The following DCDC1 variants were observed in gnomAD, a reference collection of about 807,000 sequenced individuals.
DCDC1 encodes doublecortin domain containing 1, also known as doublecortin domain-containing protein 1.
A neutral mutation model predicts 178.3 loss-of-function variants in DCDC1; 200 were observed. The ratio of observed to expected loss-of-function variants is 1.12; its 90% CI spans 1.00 to 1.26. The LOEUF is 1.26. Ranked by LOEUF, DCDC1 falls within the 50% of genes most tolerant of loss-of-function variation. The pLI, the probability that DCDC1 is intolerant of heterozygous loss-of-function variation, is 0.00. For missense variants in DCDC1, 1,983 were observed against 1,749.2 expected, an observed-to-expected ratio of 1.13 and a Z score of -2.38; for synonymous variants, 690 against 604.8, an observed-to-expected ratio of 1.14 and a Z score of -2.07.
intron 38 of DCDC1, among the ~76,000 whole-genome samples, chr11:30,873,692 C>G (rs1941852331): frequency 6.6e-6 from 1 of 152,184 alleles, no homozygotes; most frequent in Non-Finnish European, 1.5e-5. Context: ...AGCTCCTTCA[C>G]AGGAGAAAGA....
chr11:30,927,226 A>G (rs905151681), intron 22 of DCDC1, among the ~76,000 whole-genome samples: 8 of 152,078 alleles, frequency 5.3e-5, no homozygotes, highest in Non-Finnish European at 1.0e-4. Flanking sequence ...ACCAGGAAAT[A>G]TATCATCATG....
chr11:31,192,423 G>A (rs765548236), intron 9 of DCDC1, among the ~76,000 whole-genome samples: 2 of 152,038 alleles, frequency 1.3e-5, no homozygotes, highest in South Asian at 2.1e-4. Context: ...ATTCAACTAT[G>A]TCAAGTCAGT....
intron 3 of DCDC1, among the ~76,000 whole-genome samples, chr11:31,312,288 ATATATT>A (rs1452320315): frequency 1.4e-4 from 21 of 152,306 alleles, no homozygotes; most frequent in African/African-American, 5.1e-4. Context: ...AGCATTTTAT[ATATATT>A]TATAATTTAA....
chr11:30,952,968 T>C (rs1226801841), intron 20 of DCDC1, among the ~76,000 whole-genome samples: 4 of 151,958 alleles, frequency 2.6e-5, no homozygotes, highest in Non-Finnish European at 2.9e-5. Flanking sequence ...GACCAACAGA[T>C]TGCAAAGTAC....
chr11:31,043,458 G>C (rs555623599), intron 20 of DCDC1, among the ~76,000 whole-genome samples: 22 of 152,142 alleles, frequency 1.4e-4, no homozygotes, highest in Middle Eastern at 3.4e-3. Context: ...AAAAATGTTG[G>C]AAAAGCCATT....
rs552172605 is a variant in DCDC1, at chr11:31,109,832, A to G, written c.1587+428T>C. On this transcript the variant is annotated intron_variant, in intron 12 of 38. Coordinates refer to ENST00000684477, the MANE Select transcript of DCDC1 (RefSeq NM_001387274.1). ...ACAGAAAAAGGTAAGAGTGCCTAAG[A>G]TGTAAGCAAAACTAGCTGAACTTGC... Among the ~76,000 whole-genome samples, 23 of 152,302 alleles carry G rather than the reference A, an allele frequency of 1.5e-4. No homozygotes were observed. The South Asian group carries it at 4.8e-3, about 32-fold the overall frequency.
At chr11:31,070,977 C>T (rs1329312002) in intron 18 of DCDC1, among the ~76,000 whole-genome samples, 1 of 152,138 alleles carries the variant, frequency 6.6e-6, no homozygotes, top group Non-Finnish European at 1.5e-5. Context: ...TGAAGAGGGT[C>T]TCTTTTTTCT....
chr11:30,941,095 A>C (rs1947612286), intron 21 of DCDC1, among the ~76,000 whole-genome samples: 1 of 152,170 alleles, frequency 6.6e-6, no homozygotes, highest in African/African-American at 2.4e-5. Flanking sequence ...TTGCATTATT[A>C]GACTATATCA....
At chr11:30,937,955 T>C (rs183879290) in intron 21 of DCDC1, among the ~76,000 whole-genome samples, 273 of 152,062 alleles carry the variant, frequency 1.8e-3, no homozygotes, top group Middle Eastern at 0.014. Flanking sequence ...GATCCTAAAC[T>C]CTCCTCCACA....
chr11:30,963,253 T>G (rs1357728350), intron 20 of DCDC1, among the ~76,000 whole-genome samples: 3 of 152,064 alleles, frequency 2.0e-5, no homozygotes, highest in African/African-American at 7.2e-5. Context: ...CCCAAACATA[T>G]GATTCTTCGA....
chr11:31,057,505 T>C (rs1955662138), intron 20 of DCDC1, among the ~76,000 whole-genome samples: 1 of 151,946 alleles, frequency 6.6e-6, no homozygotes, highest in Non-Finnish European at 1.5e-5. Context: ...ATAATGAAAA[T>C]ATAAAATAGT....
At chr11:31,163,609 T>G (rs1966511237) in intron 9 of DCDC1, among the ~76,000 whole-genome samples, 1 of 152,114 alleles carries the variant, frequency 6.6e-6, no homozygotes, top group Non-Finnish European at 1.5e-5. Flanking sequence ...AATGTTAAAA[T>G]AAGCTAAAAG....
chr11:31,323,745 A>G (rs534466142), intron 3 of DCDC1, among the ~76,000 whole-genome samples: 2 of 152,304 alleles, frequency 1.3e-5, no homozygotes, highest in East Asian at 1.9e-4. Flanking sequence ...ATGAATCATC[A>G]GTTTAAAATA....
At chr11:31,014,191 C>G (rs1952342235) in intron 20 of DCDC1, among the ~76,000 whole-genome samples, 1 of 151,980 alleles carries the variant, frequency 6.6e-6, no homozygotes. Context: ...CTCTTGCTCG[C>G]TCTCACTCTC....
chr11:31,132,653 T>C (rs770778669), intron 10 of DCDC1, among the ~76,000 whole-genome samples: 3 of 152,144 alleles, frequency 2.0e-5, no homozygotes, highest in Non-Finnish European at 4.4e-5. Context: ...TGTGGAAACA[T>C]AGAGGCCTGA....
intron 20 of DCDC1, among the ~76,000 whole-genome samples, chr11:31,018,613 G>C (rs1054113876): frequency 6.6e-6 from 1 of 152,186 alleles, no homozygotes; most frequent in Admixed American, 6.5e-5. Flanking sequence ...TTTGGATCTG[G>C]AGAGTTGAAA....
intron 20 of DCDC1, among the ~76,000 whole-genome samples, chr11:30,955,973 G>A (rs1247294546): frequency 6.6e-6 from 1 of 152,176 alleles, no homozygotes; most frequent in Non-Finnish European, 1.5e-5. Flanking sequence ...ATGTGGTTTG[G>A]GGAGCAGTAC....
chr11:31,175,474 C>A (rs1347461796), intron 9 of DCDC1, among the ~76,000 whole-genome samples: 1 of 152,214 alleles, frequency 6.6e-6, no homozygotes. Flanking sequence ...CACACACACC[C>A]ACTACACAGC....
In DCDC1 at chr11:31,064,583, G is replaced by A. The variant is rs1956145743; in HGVS notation, c.2477C>T (p.Pro826Leu). 5 of 765,944 alleles carry A rather than the reference G, an allele frequency of 6.5e-6. No homozygotes were observed. Among genetic ancestry groups the A allele is most frequent in the African/African-American group, 1.7e-5 (1 of 59,206 alleles). The allele number at this position is 765,944 out of a possible 1,614,324, so 47.4% of individuals were successfully genotyped here. A position where few individuals can be genotyped will look rare whatever the true frequency, so the allele number is the denominator to read the frequency against. ...SASNLGLKQLPEPSDTHLMPE... is the reference protein window; with the variant it reads ...SASNLGLKQLLEPSDTHLMPE... ...CATTAAATGGGTGTCTGAGGGTTCT[G>A]GCAGTTGCTTCAGACCAAGGTTGCT... The change falls in exon 20 of 39, where the codon CCA becomes CTA. Residue 826 changes from proline to leucine, a missense_variant. Coordinates refer to ENST00000684477, the MANE Select transcript of DCDC1 (RefSeq NM_001387274.1).
Sources: allele counts gnomAD v4.1 joint callset (sites outside exome capture counted in the v4.1 genomes callset), GRCh38; gene constraint gnomAD v4.1.1; transcripts MANE v1.5; gene names NCBI Gene and HGNC (gene_info 2026-07-23, HGNC 2026-07-21).